TGM7: variants seen among roughly 807,000 people sequenced by gnomAD.
TGM7 encodes protein-glutamine gamma-glutamyltransferase Z.
Under a neutral mutation model 79.5 loss-of-function variants are expected in TGM7, and 74 were observed. The ratio of observed to expected loss-of-function variants is 0.93; its 90% CI spans 0.77 to 1.13. The LOEUF (loss-of-function observed/expected upper bound fraction) is 1.13, where lower values mean the gene tolerates loss of function less well. Ranked by LOEUF, TGM7 falls within the 50% of genes most tolerant of loss-of-function variation. The pLI is 0.00. For missense variants in TGM7, 912 were observed against 905.9 expected (o/e 1.01, Z -0.09); for synonymous variants, 354 against 362.5 (o/e 0.98, Z 0.27).
At chr15:43,290,035 GTT>G (rs2042956084) in intron 4 of TGM7, among the ~76,000 whole-genome samples, 1 of 152,172 alleles carries the variant, frequency 6.6e-6, no homozygotes, top group South Asian at 2.1e-4. Context: ...TCTGATGGTA[GTT>G]TCTCTTGCTG....
chr15:43,297,522 GGAAAGAAA>G lies in TGM7; in HGVS notation c.11-3899_11-3892del, dbSNP rs60842023. ...AAGAAAGAAAGAAGGAAGGAAGGAA[GGAAAGAAA>G]GAAAGAAAGAGAAAAAGAAAGAAAG... On this transcript the variant is annotated intron_variant, in intron 1 of 12. Transcript: ENST00000452443. Among the ~76,000 whole-genome samples the G allele has an allele frequency of 3.8e-3, 497 of 129,474 alleles. 4 individuals carry two copies. The highest frequency in any genetic ancestry group is 0.013 in the African/African-American group (469 of 36,236). The allele number at this position is 129,474 out of a possible 152,430, so 84.9% of individuals were successfully genotyped here.
At chr15:43,283,236 C>T (rs1351432669) in intron 7 of TGM7, among the ~76,000 whole-genome samples, 1 of 152,200 alleles carries the variant, frequency 6.6e-6, no homozygotes, top group African/African-American at 2.4e-5. Context: ...TTCATAAACC[C>T]TAGCACATTG....
rs188653345 is a variant in TGM7, at chr15:43,292,003, G to A, written c.534C>T (p.Thr178=). 2.2e-5 allele frequency: 36 copies of A among 1,613,968 alleles called. No individual in the cohort carries two copies. The highest frequency in any genetic ancestry group is 4.0e-5 in the African/African-American group (3 of 75,012). Residue 178 remains threonine, a synonymous_variant, in exon 4 of 13, where the codon ACC becomes ACT. Coordinates refer to ENST00000452443, the MANE Select transcript of TGM7 (RefSeq NM_052955.3). ...FVYKGHERFI[T]SWPWNYGQFE... is the part of the protein sequence containing the mutation. ...CCTGCCCGTAGTTCCAGGGCCAGGAGGTGATGAATCTTTCATGACCCTTGT... is the reference window on the plus strand; with the variant it reads ...CCTGCCCGTAGTTCCAGGGCCAGGAAGTGATGAATCTTTCATGACCCTTGT...
At chr15:43,300,946 T>C (rs2043022466) in intron 1 of TGM7, among the ~76,000 whole-genome samples, 1 of 152,196 alleles carries the variant, frequency 6.6e-6, no homozygotes, top group African/African-American at 2.4e-5. Flanking sequence ...TCTGTCAAAC[T>C]CTGTCTTGCA....
intron 11 of TGM7, 86 bp from the exon 12 acceptor site, chr15:43,277,081 G>A (rs2042882014): frequency 2.6e-6 from 4 of 1,541,984 alleles, no homozygotes; most frequent in South Asian, 2.4e-5. Flanking sequence ...CAGGTCCCTG[G>A]CGACCACCAG....
intron 1 of TGM7, among the ~76,000 whole-genome samples, chr15:43,294,528 C>T (rs1040260418): frequency 6.6e-6 from 1 of 152,222 alleles, no homozygotes; most frequent in Non-Finnish European, 1.5e-5. Context: ...ATGGAAGGAC[C>T]TTGGCGTTGT....
At chr15:43,278,389 T>C (rs962100447) in intron 11 of TGM7, among the ~76,000 whole-genome samples, 1 of 152,258 alleles carries the variant, frequency 6.6e-6, no homozygotes, top group African/African-American at 2.4e-5. Context: ...CACTCAGGCA[T>C]CTGAACTCAA....
At chr15:43,293,316 G>C in intron 2 of TGM7, 133 bp downstream of exon 2, 1 of 1,188,126 alleles carries the variant, frequency 8.4e-7, no homozygotes. Context: ...TCCTGAGCAT[G>C]AGGGGTCTGG....
intron 1 of TGM7, among the ~76,000 whole-genome samples, chr15:43,298,407 T>G (rs544683462): frequency 1.3e-5 from 2 of 152,194 alleles, no homozygotes; most frequent in South Asian, 4.1e-4. Context: ...CTAGCCCTGA[T>G]GGGTAGATAA....
intron 1 of TGM7, among the ~76,000 whole-genome samples, chr15:43,300,645 CA>C (rs1228243073): frequency 6.6e-6 from 1 of 152,068 alleles, no homozygotes; most frequent in African/African-American, 2.4e-5. Context: ...ACTAAAAATA[CA>C]AAAAATTAGC....
At chr15:43,294,184 G>A (rs2042981247) in intron 1 of TGM7, among the ~76,000 whole-genome samples, 1 of 152,182 alleles carries the variant, frequency 6.6e-6, no homozygotes, top group Non-Finnish European at 1.5e-5. Flanking sequence ...TGGAAGCTGG[G>A]ACTTCAGCCA....
At chr15:43,284,469 T>C (rs148318436) in intron 7 of TGM7, among the ~76,000 whole-genome samples, 130 of 152,298 alleles carry the variant, frequency 8.5e-4, no homozygotes, top group African/African-American at 3.0e-3. Context: ...GTCCAGGCTC[T>C]GTCTGACTTC....
chr15:43,298,469 G>T (rs2043010810), intron 1 of TGM7, among the ~76,000 whole-genome samples: 1 of 152,150 alleles, frequency 6.6e-6, no homozygotes, highest in Admixed American at 6.5e-5. Flanking sequence ...CAAAATAAAA[G>T]AAAACGGCCA....
intron 1 of TGM7, among the ~76,000 whole-genome samples, chr15:43,301,209 C>T (rs2043023713): frequency 6.6e-6 from 1 of 151,950 alleles, no homozygotes; most frequent in Non-Finnish European, 1.5e-5. Context: ...TCTCGAACTC[C>T]TCAGCTCAAG....
chr15:43,290,422 A>G (rs1053500126), intron 4 of TGM7, among the ~76,000 whole-genome samples: 1 of 152,146 alleles, frequency 6.6e-6, no homozygotes, highest in Admixed American at 6.5e-5. Context: ...CCATTGATCT[A>G]TATCTCTGTT....
In TGM7 at chr15:43,279,289, C is replaced by A; in HGVS notation, c.1679-12G>T. The A allele has an allele frequency of 3.1e-6, 5 of 1,612,248 alleles. No homozygotes were observed. The highest frequency in any genetic ancestry group is 4.2e-6 in the Non-Finnish European group (5 of 1,178,926). ...CGGCCACTGTGTCTCTAAGCACATA[C>A]AAAAGACACCTTGAGTCCAGGACAT... is the stretch of plus-strand genomic sequence containing the variant. On this transcript the variant is annotated splice_polypyrimidine_tract_variant and intron_variant, in intron 10 of 12. Coordinates refer to ENST00000452443, the MANE Select transcript of TGM7 (RefSeq NM_052955.3).
chr15:43,293,707 A>C, intron 1 of TGM7, 76 bp from the exon 2 acceptor site: 2 of 983,834 alleles, frequency 2.0e-6, no homozygotes, highest in Non-Finnish European at 2.6e-6. Context: ...CTTCTCAGTC[A>C]TTTCTGGGAG....
chr15:43,277,380 G>A (rs978246583), intron 11 of TGM7, among the ~76,000 whole-genome samples: 23 of 152,346 alleles, frequency 1.5e-4, no homozygotes, highest in East Asian at 7.7e-4. Flanking sequence ...TAACACAGGT[G>A]TGGGATAAGG....
chr15:43,297,284 C>G (rs1439975116), intron 1 of TGM7, among the ~76,000 whole-genome samples: 1 of 151,826 alleles, frequency 6.6e-6, no homozygotes, highest in Admixed American at 6.6e-5. Context: ...GAAACCCTGT[C>G]TCCACTAAAA....
Sources: gnomAD v4.1 joint callset for allele counts (sites outside exome capture counted in the v4.1 genomes callset) on GRCh38, gnomAD v4.1.1 for gene constraint, MANE v1.5 for transcripts, NCBI Gene and HGNC (gene_info 2026-07-23, HGNC 2026-07-21) for gene names.